The following MTHFD1L variants were observed in gnomAD, a reference collection of about 807,000 sequenced individuals.
The protein encoded by MTHFD1L is monofunctional C1-tetrahydrofolate synthase, mitochondrial.
In MTHFD1L, 81 loss-of-function variants were observed where a neutral mutation model predicts 119.5. That is an observed-to-expected ratio of 0.68 (90% CI 0.57 to 0.82). The LOEUF is 0.82. Ranked by LOEUF, MTHFD1L falls within the 40% of genes least tolerant of loss-of-function variation. The probability of loss-of-function intolerance (pLI) is 0.00; values close to 1 mark genes in which losing one functional copy is unlikely to be tolerated. For synonymous variants in MTHFD1L, 430 were observed against 475.2 expected, an observed-to-expected ratio of 0.90 and a Z score of 1.24; for missense variants, 1,125 against 1,253.4, an observed-to-expected ratio of 0.90 and a Z score of 1.55.
chr6:151,031,484 C>T (rs1265410469), intron 24 of MTHFD1L, among the ~76,000 whole-genome samples: 2 of 152,214 alleles, frequency 1.3e-5, no homozygotes, highest in African/African-American at 4.8e-5. Flanking sequence ...AGAGGATGCT[C>T]ACATGTGCCT....
chr6:151,000,384 T>C (rs957554277), intron 20 of MTHFD1L, among the ~76,000 whole-genome samples: 16 of 152,132 alleles, frequency 1.1e-4, no homozygotes, highest in Non-Finnish European at 1.5e-5. Flanking sequence ...CAGTTTCTTT[T>C]TCCTTTAGGT....
At chr6:150,899,710 A>C (rs1264013637) in intron 7 of MTHFD1L, among the ~76,000 whole-genome samples, 1 of 152,182 alleles carries the variant, frequency 6.6e-6, no homozygotes, top group East Asian at 1.9e-4. Context: ...GCAGTGGCTC[A>C]CGCCTGTAAT....
chr6:150,968,016 G>A (rs1797477022), intron 19 of MTHFD1L, among the ~76,000 whole-genome samples: 1 of 151,624 alleles, frequency 6.6e-6, no homozygotes. Flanking sequence ...GGGGACCTTT[G>A]CACGGCTAAC....
chr6:150,991,723 G>A (rs1462023037), intron 20 of MTHFD1L, among the ~76,000 whole-genome samples: 1 of 152,210 alleles, frequency 6.6e-6, no homozygotes, highest in East Asian at 1.9e-4. Context: ...ACATCTGGGG[G>A]AGATGAGTTT....
intron 8 of MTHFD1L, among the ~76,000 whole-genome samples, chr6:150,909,266 T>TA (rs74724132): frequency 0.041 from 5,803 of 140,332 alleles, 129 homozygotes; most frequent in Middle Eastern, 0.068. Flanking sequence ...GTAACTACTT[T>TA]AAAAAAAAAA....
At chr6:150,991,374 T>C (rs1779037544) in intron 20 of MTHFD1L, among the ~76,000 whole-genome samples, 1 of 152,024 alleles carries the variant, frequency 6.6e-6, no homozygotes, top group South Asian at 2.1e-4. Flanking sequence ...AAAAATCAGG[T>C]TGTAAAATAA....
chr6:151,012,462 T>A (rs1347276819), intron 21 of MTHFD1L, among the ~76,000 whole-genome samples: 1 of 152,184 alleles, frequency 6.6e-6, no homozygotes, highest in South Asian at 2.1e-4. Context: ...CTGCCTCTTA[T>A]GTTTATTCAG....
chr6:151,033,996 T>G (rs1169943916), intron 24 of MTHFD1L, among the ~76,000 whole-genome samples: 2 of 151,804 alleles, frequency 1.3e-5, no homozygotes, highest in Non-Finnish European at 1.5e-5. Context: ...GGCAACGTGG[T>G]GAAACCCAGT....
At chr6:151,030,695 T>C (rs1470067040) in intron 24 of MTHFD1L, among the ~76,000 whole-genome samples, 1 of 152,218 alleles carries the variant, frequency 6.6e-6, no homozygotes, top group Non-Finnish European at 1.5e-5. Context: ...TGTGTGGCTA[T>C]TGAACCACAG....
At chr6:151,087,682 G>T (rs1010460639) in intron 26 of MTHFD1L, among the ~76,000 whole-genome samples, 1 of 152,130 alleles carries the variant, frequency 6.6e-6, no homozygotes, top group Non-Finnish European at 1.5e-5. Context: ...TTATACCAAG[G>T]ATATTCTTTT....
intron 26 of MTHFD1L, among the ~76,000 whole-genome samples, chr6:151,084,273 C>T (rs889214073): frequency 6.6e-6 from 1 of 152,124 alleles, no homozygotes; most frequent in African/African-American, 2.4e-5. Flanking sequence ...GATATTTGGC[C>T]CGGAACTGCT....
chr6:150,987,579 G>A (rs548805471), intron 20 of MTHFD1L, among the ~76,000 whole-genome samples: 176 of 152,322 alleles, frequency 1.2e-3, no homozygotes, highest in Non-Finnish European at 2.1e-3. Flanking sequence ...GCATCCGAGT[G>A]AGTTAGTAGT....
At chr6:151,057,266 A>G in intron 26 of MTHFD1L, 1 of 985,326 alleles carries the variant, frequency 1.0e-6, no homozygotes, top group Non-Finnish European at 1.2e-6. Flanking sequence ...CTTCGCTGAA[A>G]TCAACCTCCC....
At chr6:150,912,299 TTG>T (rs1176247250) in intron 8 of MTHFD1L, among the ~76,000 whole-genome samples, 3 of 133,436 alleles carry the variant, frequency 2.2e-5, no homozygotes, top group African/African-American at 9.6e-5. Flanking sequence ...ACCAGTGTTT[TTG>T]TTTTTTTTTT....
At chr6:150,944,409 C>G (rs1453664572) in intron 13 of MTHFD1L, 77 bp from the exon 14 acceptor site, 3 of 1,053,626 alleles carry the variant, frequency 2.8e-6, no homozygotes, top group Non-Finnish European at 4.3e-6. Context: ...GATCATGCCA[C>G]TGCACTCCAG....
At chr6:150,952,945 A>G (rs1172566005) in intron 16 of MTHFD1L, among the ~76,000 whole-genome samples, 1 of 152,214 alleles carries the variant, frequency 6.6e-6, no homozygotes. Flanking sequence ...AGAAGAAAAT[A>G]TAGACATACA....
rs1466251743 is a variant in MTHFD1L, at chr6:150,871,391, T to C, written c.228-4699T>C. 6.0e-5 allele frequency among the ~76,000 whole-genome samples: 9 copies of C among 150,060 alleles called. No individual in the cohort carries two copies. The East Asian group carries it at 1.8e-3, about 29-fold the overall frequency. On this transcript the variant is annotated intron_variant, in intron 1 of 27. Coordinates refer to ENST00000367321, the MANE Select transcript of MTHFD1L (RefSeq NM_015440.5). ...CTCTGTAGCAGTGCTACAGAGAAAA[T>C]GGTAACATTTTACCCACAGTAGTAG...
intron 20 of MTHFD1L, among the ~76,000 whole-genome samples, chr6:150,977,902 C>CTTTTTTTTTTTTTTTTT (rs11355188): frequency 7.1e-6 from 1 of 141,120 alleles, no homozygotes; most frequent in African/African-American, 2.6e-5. Context: ...ATATATACAC[C>CTTTTTTTTTTTTTTTTT]TTTTTTTTTT....
chr6:151,078,092 C>T (rs1366048817), intron 26 of MTHFD1L, among the ~76,000 whole-genome samples: 1 of 135,328 alleles, frequency 7.4e-6, no homozygotes, highest in Non-Finnish European at 1.6e-5. Flanking sequence ...AAATAATATA[C>T]CCAGCTAAAC....
Sources: gnomAD v4.1 joint callset for allele counts (sites outside exome capture counted in the v4.1 genomes callset) on GRCh38, gnomAD v4.1.1 for gene constraint, MANE v1.5 for transcripts, NCBI Gene and HGNC (gene_info 2026-07-23, HGNC 2026-07-21) for gene names.